The following BMP6 variants were observed in gnomAD, a reference collection of about 807,000 sequenced individuals.
BMP6 encodes bone morphogenetic protein 6, also known as VG-1-R.
A neutral mutation model predicts 54.1 loss-of-function variants in BMP6; 17 were observed. The observed-to-expected ratio is 0.31, with a 90% CI of 0.22 to 0.47. The LOEUF is 0.47. BMP6 is among the 20% of genes least tolerant of loss of function. The probability of loss-of-function intolerance (pLI) is 1.00; values close to 1 mark genes in which losing one functional copy is unlikely to be tolerated. For missense variants in BMP6, 720 were observed against 690.4 expected, an observed-to-expected ratio of 1.04 and a Z score of -0.48; for synonymous variants, 328 against 291.2, an observed-to-expected ratio of 1.13 and a Z score of -1.28.
chr6:7,788,284 G>A (rs1382132163), intron 1 of BMP6, among the ~76,000 whole-genome samples: 1 of 152,218 alleles, frequency 6.6e-6, no homozygotes, highest in East Asian at 1.9e-4. Context: ...TGTTAAGGCT[G>A]TAGCTGAAAC....
intron 1 of BMP6, among the ~76,000 whole-genome samples, chr6:7,742,071 C>T (rs78847427): frequency 0.053 from 8,026 of 152,158 alleles, 247 homozygotes; most frequent in Middle Eastern, 0.075. Context: ...AGCATTTGAA[C>T]GAGAGAATTA....
chr6:7,844,507 A>G (rs1260195337), intron 1 of BMP6, among the ~76,000 whole-genome samples: 1 of 152,142 alleles, frequency 6.6e-6, no homozygotes, highest in African/African-American at 2.4e-5. Flanking sequence ...TGGAGCCTTC[A>G]GGTTCTACCA....
intron 1 of BMP6, among the ~76,000 whole-genome samples, chr6:7,771,819 G>A (rs1372931904): frequency 6.6e-6 from 1 of 152,002 alleles, no homozygotes; most frequent in Non-Finnish European, 1.5e-5. Flanking sequence ...TTGGGAGGCC[G>A]AGGCGGGTGG....
At chr6:7,865,703 C>T (rs1759410626) in intron 4 of BMP6, among the ~76,000 whole-genome samples, 2 of 152,090 alleles carry the variant, frequency 1.3e-5, no homozygotes, top group Admixed American at 1.3e-4. Flanking sequence ...AAGTGGTGTA[C>T]TCTGGCGTGA....
At chr6:7,730,292 C>T (rs867679900) in intron 1 of BMP6, among the ~76,000 whole-genome samples, 2 of 152,010 alleles carry the variant, frequency 1.3e-5, no homozygotes, top group South Asian at 2.1e-4. Flanking sequence ...TGACATTTTT[C>T]GTAAAGGATT....
chr6:7,865,624 C>T (rs1402654273), intron 4 of BMP6, among the ~76,000 whole-genome samples: 1 of 152,162 alleles, frequency 6.6e-6, no homozygotes, highest in Non-Finnish European at 1.5e-5. Flanking sequence ...TGTTCCTCTC[C>T]CTCGGGGTCT....
intron 1 of BMP6, among the ~76,000 whole-genome samples, chr6:7,834,983 G>A (rs192689316): frequency 3.9e-5 from 6 of 152,200 alleles, no homozygotes; most frequent in African/African-American, 1.2e-4. Context: ...GATGAACTAC[G>A]ACGGCATCTG....
chr6:7,732,336 AG>A (rs1475222554), intron 1 of BMP6, among the ~76,000 whole-genome samples: 1 of 152,242 alleles, frequency 6.6e-6, no homozygotes, highest in East Asian at 1.9e-4. Flanking sequence ...AACAAAAAAA[AG>A]TTGTACAAAG....
chr6:7,815,813 T>A (rs1758516976), intron 1 of BMP6, among the ~76,000 whole-genome samples: 1 of 152,256 alleles, frequency 6.6e-6, no homozygotes, highest in South Asian at 2.1e-4. Flanking sequence ...AAAGATGTGC[T>A]TCGTGTTAAC....
At chr6:7,858,614 C>T (rs1467356338) in intron 2 of BMP6, among the ~76,000 whole-genome samples, 1 of 151,938 alleles carries the variant, frequency 6.6e-6, no homozygotes, top group Non-Finnish European at 1.5e-5. Flanking sequence ...CACTTAACAG[C>T]CATGTGACCT....
chr6:7,841,821 T>G (rs1286715829), intron 1 of BMP6, among the ~76,000 whole-genome samples: 1 of 152,170 alleles, frequency 6.6e-6, no homozygotes, highest in Non-Finnish European at 1.5e-5. Flanking sequence ...ATATTGTTGT[T>G]TTGGTAGAGG....
intron 1 of BMP6, among the ~76,000 whole-genome samples, chr6:7,841,979 C>G (rs895142896): frequency 2.0e-5 from 3 of 152,074 alleles, no homozygotes; most frequent in Admixed American, 1.3e-4. Flanking sequence ...AAGATTCTTC[C>G]TTAGTCGTAC....
intron 1 of BMP6, among the ~76,000 whole-genome samples, chr6:7,795,639 A>T (rs907461711): frequency 6.6e-6 from 1 of 152,212 alleles, no homozygotes; most frequent in Non-Finnish European, 1.5e-5. Context: ...GGCAACGAAG[A>T]GAGTGCATGG....
At chr6:7,764,681 A>G (rs749462066) in intron 1 of BMP6, among the ~76,000 whole-genome samples, 1 of 152,102 alleles carries the variant, frequency 6.6e-6, no homozygotes, top group South Asian at 2.1e-4. Flanking sequence ...GGGTCTCGCT[A>G]TGTTGCCCAT....
chr6:7,803,555 A>G (rs1290798075), intron 1 of BMP6, among the ~76,000 whole-genome samples: 1 of 152,058 alleles, frequency 6.6e-6, no homozygotes, highest in Admixed American at 6.6e-5. Flanking sequence ...AGTCTACTTC[A>G]AGCCTTTGTC....
At chr6:7,772,282 C>T (rs761150676) in intron 1 of BMP6, among the ~76,000 whole-genome samples, 2 of 152,202 alleles carry the variant, frequency 1.3e-5, no homozygotes, top group Non-Finnish European at 2.9e-5. Context: ...ACGGAAAAGG[C>T]ATAGTCCTGT....
intron 4 of BMP6, among the ~76,000 whole-genome samples, chr6:7,871,927 A>C (rs1305444508): frequency 1.3e-5 from 2 of 151,850 alleles, no homozygotes; most frequent in Non-Finnish European, 2.9e-5. Context: ...CGCACTTTAG[A>C]GAAACTCCCT....
chr6:7,822,896 GT>G (rs111743465), intron 1 of BMP6, among the ~76,000 whole-genome samples: 148 of 85,664 alleles, frequency 1.7e-3, no homozygotes, highest in African/African-American at 7.8e-3. Context: ...ATTGGTGCTG[GT>G]TGTGTGTGTG....
At position 7,727,280 on chromosome 6, in the gene BMP6, C is replaced by CAGCAGGAGG. The variant is rs1761747646; in HGVS notation, c.331_339dup (p.Glu111_Gln113dup). The CAGCAGGAGG allele has an allele frequency of 6.2e-7, 1 of 1,606,150 alleles. No individual in the cohort carries two copies. Among genetic ancestry groups the CAGCAGGAGG allele is most frequent in the African/African-American group, 1.3e-5 (1 of 74,832 alleles). On this transcript the variant is annotated inframe_insertion, in exon 1 of 7. Transcript: ENST00000283147. ...ACAGCCGCAGCCCCCGGCGCTCCGG[C>CAGCAGGAGG]AGCAGGAGGAGCAGCAGCAGCAGCA...
Sources: gnomAD v4.1 joint callset for allele counts (sites outside exome capture counted in the v4.1 genomes callset) on GRCh38, gnomAD v4.1.1 for gene constraint, MANE v1.5 for transcripts, NCBI Gene and HGNC (gene_info 2026-07-23, HGNC 2026-07-21) for gene names.